UTRN: variants seen among roughly 807,000 people sequenced by gnomAD.
UTRN encodes utrophin, also known as dystrophin-related protein 1.
In UTRN, 283 loss-of-function variants were observed where a neutral mutation model predicts 463.9. The ratio of observed to expected loss-of-function variants is 0.61; its 90% CI spans 0.55 to 0.67. The LOEUF is 0.67. Among genes scored for constraint, UTRN ranks in the 30% least tolerant of loss-of-function variants. UTRN has a pLI of 0.00. For missense variants in UTRN, 3,922 were observed against 4,084.3 expected (o/e 0.96, Z 1.08); for synonymous variants, 1,442 against 1,431.5 (o/e 1.01, Z -0.17).
chr6:144,299,437 A>AT (rs1322216653), intron 2 of UTRN, among the ~76,000 whole-genome samples: 1 of 152,154 alleles, frequency 6.6e-6, no homozygotes, highest in Non-Finnish European at 1.5e-5. Context: ...GATGTTGGGC[A>AT]TTTTTTCTTT....
chr6:144,366,695 T>A (rs1214219463), intron 2 of UTRN, among the ~76,000 whole-genome samples: 1 of 152,236 alleles, frequency 6.6e-6, no homozygotes, highest in African/African-American at 2.4e-5. Flanking sequence ...TTGTGAATAG[T>A]GCTGTAGTGA....
chr6:144,441,663 T>G (rs1300533820), intron 13 of UTRN, among the ~76,000 whole-genome samples: 1 of 152,184 alleles, frequency 6.6e-6, no homozygotes, highest in Admixed American at 6.5e-5. Context: ...ACAGCTCCAC[T>G]AGGTGGTGCC....
chr6:144,434,127 G>C (rs1344533322), intron 9 of UTRN, among the ~76,000 whole-genome samples: 1 of 152,228 alleles, frequency 6.6e-6, no homozygotes, highest in East Asian at 1.9e-4. Context: ...GATCACTCGC[G>C]GTCAGGAGCT....
chr6:144,307,569 G>T (rs1376065055), intron 2 of UTRN, among the ~76,000 whole-genome samples: 2 of 152,108 alleles, frequency 1.3e-5, no homozygotes, highest in Non-Finnish European at 2.9e-5. Context: ...CGAACTGAGG[G>T]TCTCACACTT....
intron 51 of UTRN, among the ~76,000 whole-genome samples, chr6:144,635,342 G>A (rs996760399): frequency 3.3e-5 from 5 of 150,700 alleles, no homozygotes; most frequent in African/African-American, 4.9e-5. Context: ...GTAGATACAG[G>A]GTTTCGCCAC....
chr6:144,545,401 T>C lies in UTRN; in HGVS notation c.6595+2531T>C, dbSNP rs544032707. ...AGTCTGGCCTTAGTCCAGAACACCA[T>C]GCATATCTGCCTGTCTCTTTAATCA... is the stretch of plus-strand genomic sequence containing the variant. On this transcript the variant is annotated intron_variant, in intron 46 of 74. Transcript: ENST00000367545. Among the ~76,000 whole-genome samples the C allele has an allele frequency of 3.3e-5, 5 of 152,052 alleles. 1 individual carries two copies. The highest frequency in any genetic ancestry group is 7.4e-5 in the Non-Finnish European group (5 of 68,014).
intron 52 of UTRN, among the ~76,000 whole-genome samples, chr6:144,698,906 C>T (rs1784284123): frequency 6.6e-6 from 1 of 152,204 alleles, no homozygotes; most frequent in Admixed American, 6.5e-5. Context: ...ACAAAGACCT[C>T]ACCTTTAAAT....
At chr6:144,732,648 T>TTTATG (rs1788834014) in intron 54 of UTRN, among the ~76,000 whole-genome samples, 3 of 145,754 alleles carry the variant, frequency 2.1e-5, no homozygotes, top group Admixed American at 6.9e-5. Flanking sequence ...ATTGTTTCAT[T>TTTATG]TTATGTCATG....
intron 50 of UTRN, among the ~76,000 whole-genome samples, chr6:144,558,540 G>C (rs1357605595): frequency 6.6e-6 from 1 of 152,126 alleles, no homozygotes; most frequent in Non-Finnish European, 1.5e-5. Flanking sequence ...TTAAATGTGA[G>C]TCAATGGGTG....
chr6:144,537,279 A>G (rs1289785257), intron 43 of UTRN, among the ~76,000 whole-genome samples: 1 of 152,014 alleles, frequency 6.6e-6, no homozygotes, highest in Non-Finnish European at 1.5e-5. Flanking sequence ...GCGGAGTGGT[A>G]TCTAACTGTA....
chr6:144,673,824 G>A (rs9497039), intron 51 of UTRN, among the ~76,000 whole-genome samples: 4,676 of 152,108 alleles, frequency 0.031, 213 homozygotes, highest in African/African-American at 0.11. Flanking sequence ...ATGATTTCTC[G>A]TAGTGCTGAT....
chr6:144,714,247 A>G (rs941313350), intron 53 of UTRN, among the ~76,000 whole-genome samples: 1 of 152,000 alleles, frequency 6.6e-6, no homozygotes, highest in Non-Finnish European at 1.5e-5. Context: ...TTTTGCTGTC[A>G]TTCTGTAATG....
chr6:144,387,819 A>G (rs1382310900), intron 2 of UTRN, among the ~76,000 whole-genome samples: 1 of 152,160 alleles, frequency 6.6e-6, no homozygotes, highest in Non-Finnish European at 1.5e-5. Context: ...GTTGGCATCT[A>G]CAGTATCTCC....
At chr6:144,639,664 C>G (rs1008920117) in intron 51 of UTRN, among the ~76,000 whole-genome samples, 30 of 151,870 alleles carry the variant, frequency 2.0e-4, no homozygotes, top group African/African-American at 7.2e-4. Flanking sequence ...ATCAAATACA[C>G]AGTCTTATTG....
intron 2 of UTRN, among the ~76,000 whole-genome samples, chr6:144,319,280 A>T (rs9321968): frequency 2.0e-5 from 3 of 151,906 alleles, no homozygotes; most frequent in African/African-American, 7.3e-5. Context: ...TTCCTTGGAA[A>T]TGCTGTTTCT....
At chr6:144,305,946 C>T (rs767913348) in intron 2 of UTRN, among the ~76,000 whole-genome samples, 1 of 152,126 alleles carries the variant, frequency 6.6e-6, no homozygotes, top group Non-Finnish European at 1.5e-5. Context: ...TTTTCTTTTG[C>T]CTATTATTGT....
chr6:144,335,138 G>C (rs1413828161), intron 2 of UTRN, among the ~76,000 whole-genome samples: 2 of 152,146 alleles, frequency 1.3e-5, no homozygotes, highest in East Asian at 3.8e-4. Context: ...TACTTTTATA[G>C]ATAGACAGAT....
At chr6:144,750,952 A>G (rs1004368683) in intron 55 of UTRN, among the ~76,000 whole-genome samples, 3 of 151,972 alleles carry the variant, frequency 2.0e-5, no homozygotes, top group African/African-American at 7.3e-5. Flanking sequence ...CAATTCTAAG[A>G]CTCATTTACC....
chr6:144,714,416 A>T (rs1786148218), intron 53 of UTRN, among the ~76,000 whole-genome samples: 1 of 152,214 alleles, frequency 6.6e-6, no homozygotes, highest in South Asian at 2.1e-4. Flanking sequence ...AAGCTAAAGA[A>T]GCCTGCTGTA....
Sources: allele counts gnomAD v4.1 joint callset (sites outside exome capture counted in the v4.1 genomes callset), GRCh38; gene constraint gnomAD v4.1.1; transcripts MANE v1.5; gene names NCBI Gene and HGNC (gene_info 2026-07-23, HGNC 2026-07-21).